The following CNTLN variants were observed in gnomAD, a reference collection of about 807,000 sequenced individuals.
The protein encoded by CNTLN is centlein.
A neutral mutation model predicts 180.0 loss-of-function variants in CNTLN; 212 were observed. The ratio of observed to expected loss-of-function variants is 1.18; its 90% CI spans 1.05 to 1.32. The LOEUF is 1.32. Ranked by LOEUF, CNTLN falls within the 40% of genes most tolerant of loss-of-function variation. The pLI, the probability that CNTLN is intolerant of heterozygous loss-of-function variation, is 0.00. For synonymous variants in CNTLN, 722 were observed against 563.1 expected, an observed-to-expected ratio of 1.28 and a Z score of -3.99; for missense variants, 2,095 against 1,610.9, an observed-to-expected ratio of 1.30 and a Z score of -5.14.
chr9:17,396,907 T>C (rs932146708), intron 15 of CNTLN, among the ~76,000 whole-genome samples: 1 of 152,180 alleles, frequency 6.6e-6, no homozygotes, highest in African/African-American at 2.4e-5. Flanking sequence ...TGCATTCCCA[T>C]TTCGGTGTTA....
In CNTLN at chr9:17,452,045, C is replaced by G. The variant is rs150606667; in HGVS notation, c.3115-5479C>G. ...CCCAACAGCATTTTCTTTACATGTG[C>G]TACAACTAGCAACATGTTCGTTGAA... On this transcript the variant is annotated intron_variant, in intron 18 of 25. Transcript: ENST00000380647. 1.7e-3 allele frequency among the ~76,000 whole-genome samples: 252 copies of G among 152,266 alleles called. 1 individual carries two copies. The highest frequency in any genetic ancestry group is 5.8e-3 in the African/African-American group (242 of 41,560).
At chr9:17,336,642 ACT>A (rs1258061900) in intron 10 of CNTLN, among the ~76,000 whole-genome samples, 3 of 152,192 alleles carry the variant, frequency 2.0e-5, no homozygotes, top group African/African-American at 4.8e-5. Context: ...TTATGTAAAC[ACT>A]CTGCTGTTAG....
At chr9:17,177,175 T>A (rs1288339048) in intron 2 of CNTLN, among the ~76,000 whole-genome samples, 3 of 152,134 alleles carry the variant, frequency 2.0e-5, no homozygotes. Context: ...TTTGGGAGGC[T>A]GAGGCAGGCA....
chr9:17,465,777 C>T (rs914386657), intron 21 of CNTLN, among the ~76,000 whole-genome samples: 2 of 151,040 alleles, frequency 1.3e-5, no homozygotes, highest in African/African-American at 4.8e-5. Context: ...AGTTTGTGTG[C>T]AATTTTAGTT....
At chr9:17,311,722 T>A (rs1159597361) in intron 8 of CNTLN, among the ~76,000 whole-genome samples, 2 of 151,874 alleles carry the variant, frequency 1.3e-5, no homozygotes, top group Non-Finnish European at 2.9e-5. Context: ...GGCAGGAGAA[T>A]TGCTCCAACG....
At chr9:17,187,830 A>T (rs1821524715) in intron 2 of CNTLN, among the ~76,000 whole-genome samples, 1 of 151,628 alleles carries the variant, frequency 6.6e-6, no homozygotes, top group African/African-American at 2.4e-5. Flanking sequence ...TTGGAACTTT[A>T]AAAGAACCTA....
At chr9:17,513,348 A>G in the CNTLN span, among the ~76,000 whole-genome samples, 3 of 152,146 alleles carry the variant, frequency 2.0e-5, no homozygotes, top group African/African-American at 7.2e-5. Flanking sequence ...TAATAGCTCC[A>G]AAAGTGTTCA....
intron 12 of CNTLN, among the ~76,000 whole-genome samples, chr9:17,357,336 A>G (rs1822929911): frequency 6.6e-6 from 1 of 151,916 alleles, no homozygotes; most frequent in South Asian, 2.1e-4. Context: ...TAAAGTCAAC[A>G]GGATTCTTTG....
intron 5 of CNTLN, among the ~76,000 whole-genome samples, chr9:17,256,284 G>A (rs921093097): frequency 6.6e-6 from 1 of 151,992 alleles, no homozygotes; most frequent in African/African-American, 2.4e-5. Context: ...TAATGGGATT[G>A]CTGGATCAAA....
chr9:17,427,624 C>G (rs1316592794), intron 18 of CNTLN, among the ~76,000 whole-genome samples: 1 of 152,088 alleles, frequency 6.6e-6, no homozygotes, highest in Admixed American at 6.6e-5. Context: ...CAATACTATT[C>G]CAATTCCTTT....
In CNTLN at chr9:17,388,167, C is replaced by G. The variant is rs775994948; in HGVS notation, c.1993C>G (p.Leu665Val). The G allele has an allele frequency of 1.2e-6, 2 of 1,601,804 alleles. No homozygotes were observed. Among genetic ancestry groups the G allele is most frequent in the Non-Finnish European group, 1.7e-6 (2 of 1,170,060 alleles). The change falls in exon 14 of 26, where the codon CTC becomes GTC. Residue 665 changes from leucine (L) to valine (V), a missense_variant. By Grantham distance (32) the Leu-to-Val change is conservative. Transcript: ENST00000380647. ...RCVAERREEQ[L>V]FRSGEDDEVK... is the part of the protein sequence containing the mutation. ...TATTATTTATTCTCTACCAGAACAG[C>G]TCTTTAGATCTGGTGAAGATGATGA...
At chr9:17,166,670 G>T in intron 2 of CNTLN, 1 of 257,420 alleles carries the variant, frequency 3.9e-6, no homozygotes, top group Non-Finnish European at 8.0e-6. Flanking sequence ...GAAGCTGGAA[G>T]ACATGGAGCA....
At chr9:17,179,325 A>G (rs925295445) in intron 2 of CNTLN, among the ~76,000 whole-genome samples, 10 of 150,646 alleles carry the variant, frequency 6.6e-5, no homozygotes, top group East Asian at 3.9e-4. Context: ...CTTTAATTTT[A>G]TAAATTTTCC....
intron 10 of CNTLN, among the ~76,000 whole-genome samples, chr9:17,336,345 G>T (rs1328697158): frequency 1.3e-5 from 2 of 152,026 alleles, no homozygotes; most frequent in African/African-American, 4.8e-5. Context: ...GTATTCTGGC[G>T]CCATTAAAAT....
In CNTLN at chr9:17,148,984, C is replaced by T. The variant is rs1278212333; in HGVS notation, c.449+5608C>T. Among the ~76,000 whole-genome samples, 3 of 152,232 alleles carry T rather than the reference C, an allele frequency of 2.0e-5. No homozygotes were observed. The East Asian group carries it at 5.8e-4, about 29-fold the overall frequency. On this transcript the variant is annotated intron_variant, in intron 2 of 25. Coordinates refer to ENST00000380647, the MANE Select transcript of CNTLN (RefSeq NM_017738.4). ...TCCCTCCTGTAGCCCCCACCTCCGA[C>T]AGGACCCAGTGTGTGATGCTCCCCT...
chr9:17,237,369 AC>A (rs1825213498), intron 5 of CNTLN, among the ~76,000 whole-genome samples: 4 of 131,066 alleles, frequency 3.1e-5, no homozygotes, highest in Non-Finnish European at 4.9e-5. Context: ...ACACACACAC[AC>A]ACACACACAC....
chr9:17,411,862 G>A (rs148375246), intron 16 of CNTLN, among the ~76,000 whole-genome samples: 41 of 152,016 alleles, frequency 2.7e-4, no homozygotes, highest in Middle Eastern at 6.8e-3. Context: ...GTTAAGAACC[G>A]GTGACTCCCT....
intron 2 of CNTLN, among the ~76,000 whole-genome samples, chr9:17,172,747 G>C (rs1392457695): frequency 1.3e-5 from 2 of 151,982 alleles, no homozygotes; most frequent in Non-Finnish European, 2.9e-5. Flanking sequence ...ATACATAATA[G>C]GTCAAATATA....
At chr9:17,424,682 T>G (rs750325366) in intron 18 of CNTLN, among the ~76,000 whole-genome samples, 1 of 152,186 alleles carries the variant, frequency 6.6e-6, no homozygotes, top group African/African-American at 2.4e-5. Flanking sequence ...TAAATTCTTA[T>G]GTTGATTAGA....
Sources: gnomAD v4.1 joint callset for allele counts (sites outside exome capture counted in the v4.1 genomes callset) on GRCh38, gnomAD v4.1.1 for gene constraint, MANE v1.5 for transcripts, NCBI Gene and HGNC (gene_info 2026-07-23, HGNC 2026-07-21) for gene names.